LRRC37A3: variants seen among roughly 807,000 people sequenced by gnomAD.
The protein encoded by LRRC37A3 is leucine-rich repeat-containing protein 37A3.
A neutral mutation model predicts 106.2 loss-of-function variants in LRRC37A3; 25 were observed. The observed-to-expected ratio is 0.24, with a 90% CI of 0.17 to 0.33. The LOEUF (loss-of-function observed/expected upper bound fraction) is 0.33. Among genes scored for constraint, LRRC37A3 ranks in the 10% least tolerant of loss-of-function variants. The pLI is 1.00. For missense variants in LRRC37A3, 712 were observed against 1,644.9 expected, an observed-to-expected ratio of 0.43 and a Z score of 9.81; for synonymous variants, 305 against 635.8, an observed-to-expected ratio of 0.48 and a Z score of 7.83.
rs961581880 is a variant in LRRC37A3 at position 64,884,340 on chromosome 17, C to CGAT, written c.2906+1743_2906+1745dup. 3.2e-4 allele frequency among the ~76,000 whole-genome samples: 48 copies of CGAT among 150,556 alleles called. 1 individual carries two copies. In the East Asian group the frequency reaches 8.2e-3, roughly 26 times the overall value. ...TGTAGTGAAGCTGGCTAGATGATGA[C>CGAT]GATGATGATTATTATTATTATTATT... is the stretch of plus-strand genomic sequence containing the variant. On this transcript the variant is annotated intron_variant, in intron 8 of 14. Transcript: ENST00000584306.
chr17:64,869,731 G>T (rs543755854), intron 8 of LRRC37A3, among the ~76,000 whole-genome samples: 2 of 151,856 alleles, frequency 1.3e-5, no homozygotes, highest in Non-Finnish European at 2.9e-5. Flanking sequence ...AGTAGAGACG[G>T]GGTTTTACCA....
chr17:64,913,429 CT>C (rs1974634588), intron 2 of LRRC37A3, among the ~76,000 whole-genome samples: 1 of 150,416 alleles, frequency 6.6e-6, no homozygotes, highest in Non-Finnish European at 1.5e-5. Context: ...CAATATCCAA[CT>C]CCCGGATTCA....
chr17:64,898,862 G>GCAGT (rs1974213799), intron 2 of LRRC37A3: 1 of 742,944 alleles, frequency 1.3e-6, no homozygotes, highest in Non-Finnish European at 1.6e-6. Flanking sequence ...GCTTTCATAT[G>GCAGT]CAGTCATGCA....
intron 8 of LRRC37A3, among the ~76,000 whole-genome samples, chr17:64,874,796 C>T (rs1332702321): frequency 1.3e-5 from 2 of 152,150 alleles, no homozygotes; most frequent in East Asian, 3.9e-4. Flanking sequence ...ATGACCTTAC[C>T]CCCAACCCAG....
In LRRC37A3 at chr17:64,866,589, CATATATATAT is replaced by C. The variant is rs1212670512; in HGVS notation, c.3053+1863_3053+1872del. 8.1e-3 allele frequency among the ~76,000 whole-genome samples: 195 copies of C among 24,144 alleles called. 5 individuals carry two copies. Among genetic ancestry groups the C allele is most frequent in the South Asian group, 0.015 (5 of 330 alleles). 15.8% of individuals were successfully genotyped at this position (24,144 alleles called of 152,430 possible). On this transcript the variant is annotated intron_variant, in intron 10 of 14. Transcript: ENST00000584306. Reference sequence around the variant, plus strand: ...ATATATATATACATATATACACGTACATATATATATATATATATATATATATATATATATA... The same window carrying C: ...ATATATATATACATATATACACGTACATATATATATATATATATATATATA...
rs1974241078 is a variant in LRRC37A3 at position 64,899,460 on chromosome 17, T to C, written c.-495-1001A>G. On this transcript the variant is annotated intron_variant, in intron 2 of 14. Transcript: ENST00000584306. The stretch of plus-strand genomic sequence containing the variant: ...AAAAAAGATAAAAATGGTATACCTA[T>C]ATAGGGATAGCTCCATTATACGCTT... 2.1e-5 allele frequency among the ~76,000 whole-genome samples: 3 copies of C among 139,670 alleles called. No individual in the cohort carries two copies. In the South Asian group the frequency reaches 6.5e-4, roughly 30 times the overall value. The allele number at this position is 139,670 out of a possible 152,430, so 91.6% of individuals were successfully genotyped here.
intron 10 of LRRC37A3, among the ~76,000 whole-genome samples, chr17:64,867,152 A>G (rs962676793): frequency 3.3e-5 from 5 of 151,078 alleles, no homozygotes; most frequent in Admixed American, 3.3e-4. Context: ...GCTAACTTAA[A>G]GCTGGTCAAA....
chr17:64,864,439 T>C (rs1972989905), intron 10 of LRRC37A3, among the ~76,000 whole-genome samples: 2 of 152,364 alleles, frequency 1.3e-5, no homozygotes, highest in Admixed American at 6.5e-5. Flanking sequence ...GATTCTGTAC[T>C]ATTCTTTCAT....
intron 8 of LRRC37A3, among the ~76,000 whole-genome samples, chr17:64,877,978 C>T (rs1973572015): frequency 6.6e-6 from 1 of 151,952 alleles, no homozygotes; most frequent in Non-Finnish European, 1.5e-5. Flanking sequence ...GGTGGACCCC[C>T]TACATCTCAC....
At chr17:64,875,830 C>A (rs991527970) in intron 8 of LRRC37A3, among the ~76,000 whole-genome samples, 2 of 151,486 alleles carry the variant, frequency 1.3e-5, no homozygotes, top group African/African-American at 4.9e-5. Flanking sequence ...TTACATAATG[C>A]AATAATTATA....
At position 64,873,279 on chromosome 17, in the gene LRRC37A3, G is replaced by A. The variant is rs1293594998; in HGVS notation, c.2907-4113C>T. ...AAACACGTGGTTGGGGGAGAAATAA[G>A]CAGAAATTGTCCCTGAGAAGGACCA... On this transcript the variant is annotated intron_variant, in intron 8 of 14. Transcript: ENST00000584306. Among the ~76,000 whole-genome samples, 8 of 149,514 alleles carry A rather than the reference G, an allele frequency of 5.4e-5. No individual in the cohort carries two copies. In the South Asian group the frequency reaches 1.3e-3, roughly 24 times the overall value.
chr17:64,909,781 C>T (rs1974543749), intron 2 of LRRC37A3: 1 of 152,172 alleles, frequency 6.6e-6, no homozygotes, highest in Admixed American at 6.6e-5. Flanking sequence ...AAAGAAACTG[C>T]TAAGGAAGTC....
At chr17:64,909,520 C>A (rs1339831455) in intron 2 of LRRC37A3, 2 of 152,172 alleles carry the variant, frequency 1.3e-5, no homozygotes, top group African/African-American at 2.4e-5. Context: ...AAATGCAACT[C>A]AAATCTACAG....
rs139939886 is a variant in LRRC37A3 at position 64,861,513 on chromosome 17, T to G, written c.3173-540A>C. 4.9e-3 allele frequency among the ~76,000 whole-genome samples: 742 copies of G among 152,316 alleles called. 6 individuals carry two copies. The highest frequency in any genetic ancestry group is 0.017 in the African/African-American group (704 of 41,568). Reference sequence around the variant, plus strand: ...ATTGCTGACAGATCCTCATCTGGCATGCGCTCCACCCACCCCATTCTCTGC... The same window carrying G: ...ATTGCTGACAGATCCTCATCTGGCAGGCGCTCCACCCACCCCATTCTCTGC... On this transcript the variant is annotated intron_variant, in intron 11 of 14. Coordinates refer to ENST00000584306, the MANE Select transcript of LRRC37A3 (RefSeq NM_199340.5).
chr17:64,866,620 A>ATTT (rs1973106645), intron 10 of LRRC37A3, among the ~76,000 whole-genome samples: 1 of 24,980 alleles, frequency 4.0e-5, no homozygotes, highest in African/African-American at 2.1e-4. Context: ...ATATATATAT[A>ATTT]TATATATATT....
chr17:64,859,988 A>G lies in LRRC37A3; in HGVS notation c.4158T>C (p.Asn1386=). 1 of 1,613,646 alleles carries G rather than the reference A, an allele frequency of 6.2e-7. No homozygotes were observed. Among genetic ancestry groups the G allele is most frequent in the Middle Eastern group, 1.7e-4 (1 of 6,056 alleles). ...TTCTTGCAGTTGTGTCTTTTGTATT[A>G]TTGTTTTCTATAAAATGTTCTGAAG... is the stretch of plus-strand genomic sequence containing the variant. ...SAPSEHFIEN[N]NTKDTTARNA... The change falls in exon 12 of 15, where the codon AAT becomes AAC. Residue 1386 remains asparagine, a synonymous_variant. Coordinates refer to ENST00000584306, the MANE Select transcript of LRRC37A3 (RefSeq NM_199340.5).
intron 2 of LRRC37A3, chr17:64,909,897 T>C (rs1202215479): frequency 6.6e-6 from 1 of 152,152 alleles, no homozygotes; most frequent in Non-Finnish European, 1.5e-5. Context: ...CTTGACTGAA[T>C]GGCACAGACT....
Position 64,868,462 on chromosome 17 carries a change from A to G in LRRC37A3, c.3053T>C (p.Leu1018Pro). Residue 1018 changes from leucine (L) to proline (P), a missense_variant and splice_region_variant, in exon 10 of 15, where the codon CTG becomes CCG. Transcript: ENST00000584306. ...ILMMTVELEK[L>P]IVPSHMACCL... ...TAAATCTCGGAAAAAAATAACTTACAGTTTTTCCAGTTCAACAGTCATCAT... is the reference window on the plus strand; with the variant it reads ...TAAATCTCGGAAAAAAATAACTTACGGTTTTTCCAGTTCAACAGTCATCAT... The G allele has an allele frequency of 1.2e-6, 2 of 1,610,428 alleles. No homozygotes were observed. Among genetic ancestry groups the G allele is most frequent in the South Asian group, 1.1e-5 (1 of 89,808 alleles).
chr17:64,865,627 A>T (rs1033554063), intron 10 of LRRC37A3, among the ~76,000 whole-genome samples: 4 of 152,156 alleles, frequency 2.6e-5, no homozygotes, highest in Admixed American at 2.0e-4. Flanking sequence ...CATTTTCTGG[A>T]CAAAACCATT....
Sources: gnomAD v4.1 joint callset for allele counts (sites outside exome capture counted in the v4.1 genomes callset) on GRCh38, gnomAD v4.1.1 for gene constraint, MANE v1.5 for transcripts, NCBI Gene and HGNC (gene_info 2026-07-23, HGNC 2026-07-21) for gene names.